Variants in SNRNP48 observed in about 807,000 individuals in gnomAD.
SNRNP48 encodes the protein U11/U12 small nuclear ribonucleoprotein 48 kDa protein.
In SNRNP48, 43 loss-of-function variants were observed where a neutral mutation model predicts 47.0. That is an observed-to-expected ratio of 0.92 (90% CI 0.72 to 1.18). The LOEUF is 1.18. SNRNP48 is among the 50% of genes most tolerant of loss of function. The pLI is 0.00. For missense variants in SNRNP48, 396 were observed against 422.2 expected (o/e 0.94, Z 0.54); for synonymous variants, 138 against 144.0 (o/e 0.96, Z 0.30).
intron 2 of SNRNP48, 22 bp from the exon 3 acceptor site, chr6:7,594,077 C>G: frequency 7.5e-7 from 1 of 1,333,952 alleles, no homozygotes; most frequent in Non-Finnish European, 1.0e-6. Context: ...TACTTAAGAA[C>G]AGTAAGATTC....
At chr6:7,597,784 A>C (rs902667875) in intron 4 of SNRNP48, among the ~76,000 whole-genome samples, 13 of 151,996 alleles carry the variant, frequency 8.6e-5, no homozygotes, top group Admixed American at 6.6e-4. Context: ...AGGAACTATT[A>C]TATTATTTTG....
chr6:7,605,689 A>G (rs568701711), intron 7 of SNRNP48, among the ~76,000 whole-genome samples: 3 of 152,280 alleles, frequency 2.0e-5, no homozygotes, highest in African/African-American at 7.2e-5. Flanking sequence ...TTTTCAGGGG[A>G]TAGCCATATT....
intron 4 of SNRNP48, among the ~76,000 whole-genome samples, chr6:7,597,990 G>A (rs13217583): frequency 1.3e-5 from 2 of 150,806 alleles, no homozygotes; most frequent in East Asian, 2.0e-4. Flanking sequence ...CTCAGGTCCC[G>A]AGTAGCTGGG....
intron 7 of SNRNP48, among the ~76,000 whole-genome samples, chr6:7,605,787 CCTA>C (rs1451657089): frequency 6.6e-6 from 1 of 152,078 alleles, no homozygotes; most frequent in Non-Finnish European, 1.5e-5. Flanking sequence ...TTATTTATGT[CCTA>C]CTGCTCAAGG....
rs1450255992 is a variant in SNRNP48, at chr6:7,609,738, ATGT to A, written c.*869_*871del. 2.6e-5 allele frequency: 4 copies of A among 152,248 alleles called. No individual in the cohort carries two copies. The East Asian group carries it at 7.7e-4, about 29-fold the overall frequency. The allele number at this position is 152,248 out of a possible 1,614,324, so 9.4% of individuals were successfully genotyped here. On this transcript the variant is annotated 3_prime_UTR_variant, in exon 9 of 9. Coordinates refer to ENST00000342415, the MANE Select transcript of SNRNP48 (RefSeq NM_152551.4). ...TTCATTTAATTTAAAATATACTGTC[ATGT>A]TGTGTTTTGTAAATCAACTGAATTG...
At chr6:7,599,353 G>A (rs971168895) in intron 4 of SNRNP48, among the ~76,000 whole-genome samples, 1 of 152,076 alleles carries the variant, frequency 6.6e-6, no homozygotes, top group Non-Finnish European at 1.5e-5. Flanking sequence ...ATGGATAGAG[G>A]TTGCACAACG....
chr6:7,590,349 A>G lies in SNRNP48; in HGVS notation c.92A>G (p.Glu31Gly). The G allele has an allele frequency of 1.4e-6, 2 of 1,392,886 alleles. No homozygotes were observed. The highest frequency in any genetic ancestry group is 1.9e-6 in the Non-Finnish European group (2 of 1,060,662). 86.3% of individuals were successfully genotyped at this position (1,392,886 alleles called of 1,614,324 possible). A position where few individuals can be genotyped will look rare whatever the true frequency, so the allele number is the denominator to read the frequency against. ...FVESGCRTLE[E>G]VTASLGWDLD... ...GAGAGCGGCTGCCGGACGTTGGAGG[A>G]GGTGACCGCGTCCCTGGGCTGGGAC... Residue 31 changes from glutamate (E) to glycine (G), a missense_variant, in exon 1 of 9, where the codon GAG becomes GGG. Glu to Gly is a moderately conservative substitution (Grantham distance 98, BLOSUM62 -2). Transcript: ENST00000342415.
chr6:7,609,322 G>GA lies in SNRNP48; in HGVS notation c.*454dup. The GA allele has an allele frequency of 6.6e-6, 1 of 152,294 alleles. No homozygotes were observed. The highest frequency in any genetic ancestry group is 1.5e-5 in the Non-Finnish European group (1 of 68,090). 9.4% of individuals were successfully genotyped at this position (152,294 alleles called of 1,614,324 possible). ...CACTACACTGGTGAATTGTAGTAGGGAAAAACAATCTAAATATTGAAGAGG... is the reference window on the plus strand; with the variant it reads ...CACTACACTGGTGAATTGTAGTAGGGAAAAAACAATCTAAATATTGAAGAGG... On this transcript the variant is annotated 3_prime_UTR_variant, in exon 9 of 9. Coordinates refer to ENST00000342415, the MANE Select transcript of SNRNP48 (RefSeq NM_152551.4).
chr6:7,606,350 A>T (rs1760127667), intron 8 of SNRNP48, 155 bp downstream of exon 8: 2 of 780,134 alleles, frequency 2.6e-6, no homozygotes, highest in Non-Finnish European at 3.9e-6. Context: ...CATTCATTAT[A>T]GTTCAGTTCA....
chr6:7,600,067 AT>A, intron 4 of SNRNP48: 1 of 998,368 alleles, frequency 1.0e-6, no homozygotes, highest in Non-Finnish European at 1.2e-6. Flanking sequence ...TGTTTTTATA[AT>A]TTTGTATTAT....
Position 7,608,950 on chromosome 6 carries a change from T to C in SNRNP48, c.*77T>C. On this transcript the variant is annotated 3_prime_UTR_variant, in exon 9 of 9. Transcript: ENST00000342415. ...ACAGATATATTAATTGGAATTCCTT[T>C]GCATAGGAGAATGTTTTTATGATCT... The C allele has an allele frequency of 1.3e-6, 1 of 750,986 alleles. No homozygotes were observed. Among genetic ancestry groups the C allele is most frequent in the Non-Finnish European group, 2.0e-6 (1 of 495,240 alleles). The allele number at this position is 750,986 out of a possible 1,614,324, so 46.5% of individuals were successfully genotyped here. A position where few individuals can be genotyped will look rare whatever the true frequency, so the allele number is the denominator to read the frequency against.
At chr6:7,608,649 TG>T (rs1463672586) in intron 8 of SNRNP48, among the ~76,000 whole-genome samples, 175 bp from the exon 9 acceptor site, 6 of 152,190 alleles carry the variant, frequency 3.9e-5, no homozygotes, top group Non-Finnish European at 8.8e-5. Flanking sequence ...TTTGAAATTC[TG>T]CTTTAAAATT....
chr6:7,595,178 C>T (rs1401498023), intron 4 of SNRNP48, 77 bp downstream of exon 4: 100 of 1,249,044 alleles, frequency 8.0e-5, no homozygotes, highest in Non-Finnish European at 1.1e-4. Flanking sequence ...TAATTTTCTT[C>T]AAGAAAAACC....
At chr6:7,593,596 A>T in intron 1 of SNRNP48, 138 bp from the exon 2 acceptor site, 1 of 462,054 alleles carries the variant, frequency 2.2e-6, no homozygotes, top group Non-Finnish European at 3.7e-6. Flanking sequence ...ATACACAACT[A>T]CATGGGGGTT....
In SNRNP48 at chr6:7,602,631, C is replaced by A; in HGVS notation, c.604C>A (p.Arg202=). 2 of 1,587,446 alleles carry A rather than the reference C, an allele frequency of 1.3e-6. No individual in the cohort carries two copies. Among genetic ancestry groups the A allele is most frequent in the South Asian group, 1.2e-5 (1 of 86,200 alleles). The change falls in exon 6 of 9, where the codon CGA becomes AGA. Residue 202 remains arginine, a synonymous_variant. Transcript: ENST00000342415. ...TTTTATTCTTTCATTAGACAATAGT[C>A]GAAAAAGTCCAAAATCCTACCTTGA... The part of the protein sequence containing the change: ...LAAKINQDNS[R]KSPKSYLEIL...
chr6:7,590,453 G>A (rs2113711338), intron 1 of SNRNP48, 40 bp downstream of exon 1: 1 of 1,270,064 alleles, frequency 7.9e-7, no homozygotes, highest in Non-Finnish European at 1.0e-6. Flanking sequence ...GGGACTATCG[G>A]CCCGGGGTCT....
chr6:7,608,251 A>G (rs1760168880), intron 8 of SNRNP48, among the ~76,000 whole-genome samples: 1 of 152,132 alleles, frequency 6.6e-6, no homozygotes, highest in South Asian at 2.1e-4. Flanking sequence ...TGTATGAAAA[A>G]TGCATTATTA....
rs1760192722 is a variant in SNRNP48, at chr6:7,609,497, T to C, written c.*624T>C. On this transcript the variant is annotated 3_prime_UTR_variant, in exon 9 of 9. Transcript: ENST00000342415. ...GTTGTAGAAAGTTATATACAAATTA[T>C]ATATATGTACAAAACAATACTATGC... is the stretch of plus-strand genomic sequence containing the variant. 6.6e-6 allele frequency: 1 copy of C among 152,194 alleles called. No individual in the cohort carries two copies. Among genetic ancestry groups the C allele is most frequent in the East Asian group, 1.9e-4 (1 of 5,200 alleles). The allele number at this position is 152,194 out of a possible 1,614,324, so 9.4% of individuals were successfully genotyped here. A position where few individuals can be genotyped will look rare whatever the true frequency, so the allele number is the denominator to read the frequency against.
chr6:7,598,402 G>C (rs907105392), intron 4 of SNRNP48, among the ~76,000 whole-genome samples: 3 of 152,024 alleles, frequency 2.0e-5, no homozygotes, highest in Non-Finnish European at 4.4e-5. Flanking sequence ...GGCTGAGGCA[G>C]GAGAATCACT....
Sources: gnomAD v4.1 joint callset for allele counts (sites outside exome capture counted in the v4.1 genomes callset) on GRCh38, gnomAD v4.1.1 for gene constraint, MANE v1.5 for transcripts, NCBI Gene and HGNC (gene_info 2026-07-23, HGNC 2026-07-21) for gene names.